FTCDNL1: variants seen among roughly 807,000 people sequenced by gnomAD.
The protein encoded by FTCDNL1 is formiminotransferase cyclodeaminase N-terminal like, also known as formiminotransferase N-terminal subdomain-containing protein.
Under a neutral mutation model 5.9 loss-of-function variants are expected in FTCDNL1, and 11 were observed. The observed-to-expected ratio is 1.87, with a 90% CI of 1.18 to 3.10. The LOEUF is 3.10. Ranked by LOEUF, FTCDNL1 falls within the 30% of genes most tolerant of loss-of-function variation. The pLI is 0.00. For synonymous variants in FTCDNL1, 58 were observed against 24.8 expected (o/e 2.34, Z -3.99); for missense variants, 115 against 65.5 (o/e 1.76, Z -2.61).
chr2:199,794,211 A>G (rs1331122055), intron 3 of FTCDNL1, among the ~76,000 whole-genome samples: 2 of 152,218 alleles, frequency 1.3e-5, no homozygotes, highest in South Asian at 2.1e-4. Flanking sequence ...AATTTTTAAT[A>G]TATTTCCAAT....
intron 3 of FTCDNL1, among the ~76,000 whole-genome samples, chr2:199,845,223 G>A (rs1026853892): frequency 6.6e-6 from 1 of 152,030 alleles, no homozygotes; most frequent in African/African-American, 2.4e-5. Context: ...GACCATTTTA[G>A]CAATAGAGGA....
At position 199,826,931 on chromosome 2, in the gene FTCDNL1, TAG is replaced by T. The variant is rs1702075536; in HGVS notation, c.212-7176_212-7175del. Among the ~76,000 whole-genome samples, 3 of 152,206 alleles carry T rather than the reference TAG, an allele frequency of 2.0e-5. No homozygotes were observed. In the South Asian group the frequency reaches 6.2e-4, roughly 32 times the overall value. ...CAACTAATAAATGCGGAAGTGATGA[TAG>T]AATTAGAAAATCACAATTTTTCAGC... On this transcript the variant is annotated intron_variant, in intron 3 of 4. Transcript: ENST00000420128.
the FTCDNL1 span, among the ~76,000 whole-genome samples, chr2:199,692,384 TA>T: frequency 6.6e-6 from 1 of 152,220 alleles, no homozygotes; most frequent in East Asian, 1.9e-4. Flanking sequence ...ATAATATCAC[TA>T]TAACTCATTA....
chr2:199,731,779 T>G, the FTCDNL1 span, among the ~76,000 whole-genome samples: 2 of 151,246 alleles, frequency 1.3e-5, no homozygotes, highest in African/African-American at 2.4e-5. Flanking sequence ...TCCCAGCTAC[T>G]TGGGAGGCTG....
intron 3 of FTCDNL1, among the ~76,000 whole-genome samples, chr2:199,778,369 C>A (rs554127865): frequency 6.0e-4 from 92 of 152,300 alleles, no homozygotes; most frequent in African/African-American, 2.1e-3. Flanking sequence ...AAAATGGTGA[C>A]AATCTCTACT....
chr2:199,765,015 A>AGTAT (rs746965910), intron 3 of FTCDNL1, among the ~76,000 whole-genome samples: 158 of 152,286 alleles, frequency 1.0e-3, no homozygotes, highest in Non-Finnish European at 2.5e-4. Context: ...CTAGGACCTG[A>AGTAT]GTATGTGGGC....
At chr2:199,698,170 C>T in the FTCDNL1 span, among the ~76,000 whole-genome samples, 1 of 152,086 alleles carries the variant, frequency 6.6e-6, no homozygotes, top group Non-Finnish European at 1.5e-5. Flanking sequence ...ACTTAGATGA[C>T]CACACAACAA....
intron 3 of FTCDNL1, among the ~76,000 whole-genome samples, chr2:199,792,480 G>T (rs116483900): frequency 1.8e-3 from 272 of 152,172 alleles, no homozygotes; most frequent in Middle Eastern, 6.8e-3. Context: ...ATACTTAGGG[G>T]GTTGTATATT....
At chr2:199,772,022 C>T (rs549440688) in intron 3 of FTCDNL1, among the ~76,000 whole-genome samples, 2 of 152,296 alleles carry the variant, frequency 1.3e-5, no homozygotes, top group Non-Finnish European at 2.9e-5. Flanking sequence ...TAACAATATG[C>T]CAGCATCACT....
the FTCDNL1 span, among the ~76,000 whole-genome samples, chr2:199,683,398 T>G: frequency 6.6e-6 from 1 of 152,154 alleles, no homozygotes; most frequent in African/African-American, 2.4e-5. Context: ...TTGAAGTTCT[T>G]TCTTGCTACT....
intron 4 of FTCDNL1, among the ~76,000 whole-genome samples, chr2:199,814,026 T>TA (rs1701205090): frequency 1.3e-5 from 2 of 150,148 alleles, no homozygotes; most frequent in African/African-American, 4.9e-5. Context: ...TAAAATAAGG[T>TA]AAAACCCTAG....
At chr2:199,778,141 A>C (rs1219863024) in intron 3 of FTCDNL1, among the ~76,000 whole-genome samples, 5 of 152,196 alleles carry the variant, frequency 3.3e-5, no homozygotes, top group African/African-American at 1.2e-4. Flanking sequence ...ATCACCATAC[A>C]CAAAGAAGAA....
chr2:199,814,201 A>C (rs1025989401), intron 4 of FTCDNL1, among the ~76,000 whole-genome samples: 2 of 152,188 alleles, frequency 1.3e-5, no homozygotes, highest in African/African-American at 4.8e-5. Context: ...ACCACAGCTG[A>C]AACAGGACAT....
intron 3 of FTCDNL1, among the ~76,000 whole-genome samples, chr2:199,834,292 T>C (rs1178396396): frequency 6.6e-6 from 1 of 152,124 alleles, no homozygotes; most frequent in East Asian, 1.9e-4. Flanking sequence ...ATCGCGGACT[T>C]CTAGCCTCCA....
chr2:199,743,298 C>CA, the FTCDNL1 span, among the ~76,000 whole-genome samples: 1 of 152,204 alleles, frequency 6.6e-6, no homozygotes, highest in African/African-American at 2.4e-5. Flanking sequence ...GATCTGACTT[C>CA]AAAGCCCCTC....
chr2:199,839,799 T>A (rs1018665212), intron 3 of FTCDNL1, among the ~76,000 whole-genome samples: 2 of 152,172 alleles, frequency 1.3e-5, no homozygotes, highest in Admixed American at 1.3e-4. Flanking sequence ...TAAATTAAAG[T>A]TATTTCTAAC....
intron 3 of FTCDNL1, among the ~76,000 whole-genome samples, chr2:199,761,983 C>T (rs1169206107): frequency 2.0e-5 from 3 of 152,100 alleles, no homozygotes; most frequent in Non-Finnish European, 4.4e-5. Flanking sequence ...CTTCCCTAGG[C>T]CACATTGGAA....
At chr2:199,818,598 T>C (rs375042202) in intron 4 of FTCDNL1, 26 of 144,798 alleles carry the variant, frequency 1.8e-4, no homozygotes, top group African/African-American at 6.0e-4. Flanking sequence ...AAACCTGTGC[T>C]TTTTTTTTTT....
At chr2:199,825,694 C>T (rs1701988163) in intron 3 of FTCDNL1, among the ~76,000 whole-genome samples, 1 of 152,154 alleles carries the variant, frequency 6.6e-6, no homozygotes, top group East Asian at 1.9e-4. Flanking sequence ...TGCCTTACAG[C>T]TATGAGTAAG....
Sources: allele counts gnomAD v4.1 joint callset (sites outside exome capture counted in the v4.1 genomes callset), GRCh38; gene constraint gnomAD v4.1.1; transcripts MANE v1.5; gene names NCBI Gene and HGNC (gene_info 2026-07-23, HGNC 2026-07-21).